UPRT: variants seen among roughly 807,000 people sequenced by gnomAD.
UPRT encodes the protein uracil phosphoribosyltransferase homolog.
A neutral mutation model predicts 22.6 loss-of-function variants in UPRT; 5 were observed. The ratio of observed to expected loss-of-function variants is 0.22; its 90% CI spans 0.12 to 0.47. The LOEUF is 0.47. Among genes scored for constraint, UPRT ranks in the 20% least tolerant of loss-of-function variants. The probability of loss-of-function intolerance (pLI) is 0.99; values close to 1 mark genes in which losing one functional copy is unlikely to be tolerated. For synonymous variants in UPRT, 77 were observed against 87.7 expected, an observed-to-expected ratio of 0.88 and a Z score of 0.68; for missense variants, 181 against 239.9, an observed-to-expected ratio of 0.75 and a Z score of 1.62.
chrX:75,265,196 C>A (rs997265240), intron 4 of UPRT, among the ~76,000 whole-genome samples: 1 of 111,215 alleles, frequency 9.0e-6, no homozygotes, highest in Non-Finnish European at 1.9e-5. Flanking sequence ...TCGTGGCATT[C>A]TCTGTATTTT....
At chrX:75,156,423 C>G in exon 1 of UPRT, 1 of 628,748 alleles carries the variant, frequency 1.6e-6, no homozygotes, top group South Asian at 2.5e-5. Context: ...ATTCGCACAG[C>G]CTCTTTTATT....
chrX:75,220,387 T>A (rs759794776), intron 4 of UPRT, among the ~76,000 whole-genome samples: 2 of 111,422 alleles, frequency 1.8e-5, no homozygotes, highest in Non-Finnish European at 3.8e-5. Context: ...ATTACAGAAT[T>A]TAGTCCATCT....
At position 75,208,510 on chromosome X, in the gene UPRT, G is replaced by A. The variant is rs2082372365; in HGVS notation, c.-447+40631G>A. Among the ~76,000 whole-genome samples the A allele has an allele frequency of 1.8e-5, 2 of 111,651 alleles. 1 individual carries two copies. The highest frequency in any genetic ancestry group is 7.6e-4 in the South Asian group (2 of 2,644). ...TAGATTTAAGGGAATAGTGAAAAAG[G>A]CATCATTTAAATCCAATATAGAGAA... On this transcript the variant is annotated intron_variant, in intron 4 of 13. Transcript: ENST00000652605.
chrX:75,271,366 A>G (rs1268296764), upstream of UPRT, among the ~76,000 whole-genome samples: 2 of 111,741 alleles, frequency 1.8e-5, no homozygotes, highest in African/African-American at 6.5e-5. Flanking sequence ...CTGATCTTCG[A>G]CAAAGCAAAC....
intron 4 of UPRT, among the ~76,000 whole-genome samples, chrX:75,186,997 T>G (rs1366831163): frequency 2.9e-4 from 32 of 111,934 alleles, no homozygotes; most frequent in African/African-American, 1.0e-3. Context: ...CTGTGTCTTT[T>G]AATTGGAGCA....
chrX:75,203,510 A>ACACT (rs1555967482), intron 4 of UPRT, among the ~76,000 whole-genome samples: 5 of 95,022 alleles, frequency 5.3e-5, no homozygotes, highest in African/African-American at 1.3e-4. Flanking sequence ...ACACACACAC[A>ACACT]CACACTCACA....
chrX:75,250,500 G>A (rs1163681540), intron 4 of UPRT, among the ~76,000 whole-genome samples: 2 of 111,643 alleles, frequency 1.8e-5, no homozygotes, highest in Non-Finnish European at 3.8e-5. Flanking sequence ...ACCCTCCCAA[G>A]ACTAAACCAG....
chrX:75,236,186 C>T (rs1413292078), intron 4 of UPRT, among the ~76,000 whole-genome samples: 4 of 111,388 alleles, frequency 3.6e-5, no homozygotes, highest in East Asian at 2.8e-4. Context: ...CATGATTGAA[C>T]TCCCATTCAC....
rs139365654 is a variant in UPRT at position 75,282,624 on chromosome X, C to T, written c.386+7984C>T. 3.8e-3 allele frequency among the ~76,000 whole-genome samples: 421 copies of T among 111,726 alleles called. 1 individual carries two copies. The highest frequency in any genetic ancestry group is 0.011 in the African/African-American group (331 of 30,779). ...GTTGATTTCCAGTTTTATTCCACTGCGGTCTGAGAGAGTGCTTGATATAAT... is the reference window on the plus strand; with the variant it reads ...GTTGATTTCCAGTTTTATTCCACTGTGGTCTGAGAGAGTGCTTGATATAAT... On this transcript the variant is annotated intron_variant, in intron 1 of 6. Coordinates refer to ENST00000373383, the MANE Select transcript of UPRT (RefSeq NM_145052.4).
intron 2 of UPRT, among the ~76,000 whole-genome samples, chrX:75,294,866 C>G (rs2082720551): frequency 9.0e-6 from 1 of 111,686 alleles, no homozygotes. Context: ...TTCTTATGCT[C>G]TTTTTCTATA....
chrX:75,259,117 G>T (rs1188904025), intron 4 of UPRT, among the ~76,000 whole-genome samples: 1 of 111,134 alleles, frequency 9.0e-6, no homozygotes, highest in Non-Finnish European at 1.9e-5. Context: ...CCATCCGAAG[G>T]TCACCGACAT....
At chrX:75,157,289 G>GT (rs1397649983) in intron 1 of UPRT, among the ~76,000 whole-genome samples, 2 of 112,182 alleles carry the variant, frequency 1.8e-5, no homozygotes, top group Middle Eastern at 4.2e-3. Context: ...CTTTGGACTA[G>GT]TAAGTCTGAT....
At chrX:75,173,129 A>G (rs765714531) in intron 4 of UPRT, among the ~76,000 whole-genome samples, 2 of 112,015 alleles carry the variant, frequency 1.8e-5, no homozygotes, top group South Asian at 7.5e-4. Flanking sequence ...GAGTTTCGAC[A>G]CACAGGTTCT....
chrX:75,185,432 A>G (rs2082286531), intron 4 of UPRT, among the ~76,000 whole-genome samples: 1 of 112,053 alleles, frequency 8.9e-6, no homozygotes, highest in African/African-American at 3.2e-5. Flanking sequence ...CCAGTATTTT[A>G]TTGAGGATTT....
chrX:75,179,698 C>T (rs778369401), intron 4 of UPRT, among the ~76,000 whole-genome samples: 26 of 113,455 alleles, frequency 2.3e-4, no homozygotes, highest in African/African-American at 5.1e-4. Context: ...AGAAATTGAG[C>T]GCAGCGCTGG....
At chrX:75,174,056 G>C (rs1334908270) in intron 4 of UPRT, among the ~76,000 whole-genome samples, 1 of 111,754 alleles carries the variant, frequency 8.9e-6, no homozygotes, top group Non-Finnish European at 1.9e-5. Flanking sequence ...ACAGTGCAGT[G>C]GTGGGCTGAA....
chrX:75,290,530 G>A, intron 1 of UPRT, among the ~76,000 whole-genome samples: 1 of 111,725 alleles, frequency 9.0e-6, no homozygotes, highest in Non-Finnish European at 1.9e-5. Flanking sequence ...CAACAGCAAC[G>A]ACATGGAATC....
chrX:75,290,368 G>T (rs1482222739), intron 1 of UPRT, among the ~76,000 whole-genome samples: 1 of 112,100 alleles, frequency 8.9e-6, no homozygotes, highest in Admixed American at 9.4e-5. Flanking sequence ...ATGTAAATTA[G>T]TTCAGTCAGT....
At chrX:75,249,705 C>G (rs1265925366) in intron 4 of UPRT, among the ~76,000 whole-genome samples, 1 of 111,294 alleles carries the variant, frequency 9.0e-6, no homozygotes, top group African/African-American at 3.3e-5. Context: ...CTGCACCAAG[C>G]GGACCTAATA....
Sources: allele counts gnomAD v4.1 joint callset (sites outside exome capture counted in the v4.1 genomes callset), GRCh38; gene constraint gnomAD v4.1.1; transcripts MANE v1.5; gene names NCBI Gene and HGNC (gene_info 2026-07-23, HGNC 2026-07-21).